MSH3: variants seen among roughly 807,000 people sequenced by gnomAD.
MSH3 encodes the protein DNA mismatch repair protein Msh3.
In MSH3, 106 loss-of-function variants were observed where a neutral mutation model predicts 123.3. The observed-to-expected ratio is 0.86, with a 90% CI of 0.73 to 1.01. The LOEUF is 1.01. Among genes scored for constraint, MSH3 ranks in the 50% least tolerant of loss-of-function variants. The pLI is 0.00. For synonymous variants in MSH3, 515 were observed against 481.4 expected, an observed-to-expected ratio of 1.07 and a Z score of -0.91; for missense variants, 1,459 against 1,347.6, an observed-to-expected ratio of 1.08 and a Z score of -1.29.
intron 4 of MSH3, among the ~76,000 whole-genome samples, chr5:80,670,937 T>G (rs1197544109): frequency 6.6e-6 from 1 of 151,966 alleles, no homozygotes; most frequent in Non-Finnish European, 1.5e-5. Context: ...CTGGCCAACA[T>G]GGTGAAACCG....
At chr5:80,789,074 A>G (rs1248660966) in intron 18 of MSH3, among the ~76,000 whole-genome samples, 1 of 152,166 alleles carries the variant, frequency 6.6e-6, no homozygotes, top group Admixed American at 6.6e-5. Flanking sequence ...TTTAGTGCAG[A>G]AAAAATCACT....
chr5:80,755,576 A>G (rs1479582830), intron 12 of MSH3, among the ~76,000 whole-genome samples: 4 of 152,192 alleles, frequency 2.6e-5, no homozygotes, highest in Non-Finnish European at 4.4e-5. Flanking sequence ...ATAACTAGAT[A>G]TGCTGGATCA....
chr5:80,706,503 T>G lies in MSH3; in HGVS notation c.1341-18950T>G, dbSNP rs190223148. Among the ~76,000 whole-genome samples, 312 of 152,368 alleles carry G rather than the reference T, an allele frequency of 2.0e-3. 2 individuals are homozygous for G. The highest frequency in any genetic ancestry group is 7.2e-3 in the African/African-American group (300 of 41,578). ...AGGCAAATATAATGTCAGGTAATTT[T>G]GCTGTTATGCTATTGAAAAAATACC... On this transcript the variant is annotated intron_variant, in intron 8 of 23. Transcript: ENST00000265081.
intron 8 of MSH3, among the ~76,000 whole-genome samples, chr5:80,704,055 C>T (rs1297218414): frequency 6.6e-6 from 1 of 152,092 alleles, no homozygotes; most frequent in Non-Finnish European, 1.5e-5. Flanking sequence ...CCTTAGAAGT[C>T]CTGCCCTTTG....
Position 80,768,109 on chromosome 5 carries a change from A to G in MSH3, c.2073A>G (p.Glu691=). ...AGCATTACTTAAAGATACTCAATGA[A>G]CAAGCTGCCAAGTAAGTACCAGACC... ...PVEHYLKILN[E]QAAKVGDKTE... Residue 691 remains glutamate (E), a synonymous_variant, in exon 14 of 24, where the codon GAA becomes GAG. Coordinates refer to ENST00000265081, the MANE Select transcript of MSH3 (RefSeq NM_002439.5). 2 of 1,613,656 alleles carry G rather than the reference A, an allele frequency of 1.2e-6. No individual in the cohort carries two copies. Among genetic ancestry groups the G allele is most frequent in the East Asian group, 2.2e-5 (1 of 44,822 alleles).
intron 20 of MSH3, among the ~76,000 whole-genome samples, chr5:80,826,390 T>TATCTGTAA (rs1745299690): frequency 6.6e-6 from 1 of 152,142 alleles, no homozygotes; most frequent in Admixed American, 6.5e-5. Flanking sequence ...CTCCAAGCTG[T>TATCTGTAA]ATCTGTAAAT....
chr5:80,662,761 A>G (rs4703815), intron 2 of MSH3, among the ~76,000 whole-genome samples: 20,089 of 151,648 alleles, frequency 0.13, 1,893 homozygotes, highest in East Asian at 0.33. Context: ...CAGGAGGCAG[A>G]GGTTGCAGTG....
chr5:80,839,512 C>G (rs777250822), intron 20 of MSH3, among the ~76,000 whole-genome samples: 3 of 152,114 alleles, frequency 2.0e-5, no homozygotes, highest in Non-Finnish European at 4.4e-5. Flanking sequence ...TATAGCCATC[C>G]TAGAACAATA....
At chr5:80,806,132 C>G (rs946580872) in intron 19 of MSH3, among the ~76,000 whole-genome samples, 1 of 152,020 alleles carries the variant, frequency 6.6e-6, no homozygotes, top group African/African-American at 2.4e-5. Flanking sequence ...GAGTTTCACT[C>G]TTGTTGCCCA....
intron 8 of MSH3, among the ~76,000 whole-genome samples, chr5:80,695,024 T>C (rs987917540): frequency 1.8e-4 from 28 of 151,438 alleles, no homozygotes; most frequent in African/African-American, 6.8e-4. Flanking sequence ...TTGCCAAATT[T>C]GTGAATATTT....
intron 8 of MSH3, among the ~76,000 whole-genome samples, chr5:80,700,810 G>C (rs1270252984): frequency 6.6e-6 from 1 of 152,156 alleles, no homozygotes; most frequent in Non-Finnish European, 1.5e-5. Flanking sequence ...TAGGTTTATT[G>C]ATAGTCGAAT....
chr5:80,678,782 C>T (rs1254241049), intron 7 of MSH3, 145 bp from the exon 8 acceptor site: 2 of 845,350 alleles, frequency 2.4e-6, no homozygotes, highest in African/African-American at 3.4e-5. Context: ...TCCTGAAAAG[C>T]AGACAGGTTT....
chr5:80,661,978 C>T (rs537442315), intron 2 of MSH3, among the ~76,000 whole-genome samples: 14 of 152,220 alleles, frequency 9.2e-5, no homozygotes, highest in Admixed American at 2.6e-4. Flanking sequence ...ACCATTATAT[C>T]GTATTTCCAC....
chr5:80,865,719 G>A (rs1580099192), intron 22 of MSH3, among the ~76,000 whole-genome samples: 1 of 152,186 alleles, frequency 6.6e-6, no homozygotes, highest in East Asian at 1.9e-4. Context: ...TCCTGTGGTG[G>A]TTTGCGCAAT....
chr5:80,867,271 T>G (rs1220297458), intron 22 of MSH3, among the ~76,000 whole-genome samples: 1 of 152,244 alleles, frequency 6.6e-6, no homozygotes, highest in Non-Finnish European at 1.5e-5. Flanking sequence ...TCTTCCTGCC[T>G]GGCCAGCTTT....
chr5:80,680,502 C>T (rs1207708574), intron 8 of MSH3, among the ~76,000 whole-genome samples: 4 of 150,782 alleles, frequency 2.7e-5, no homozygotes, highest in Admixed American at 6.6e-5. Flanking sequence ...ACATTATTTC[C>T]GTGTGTGTAT....
At chr5:80,723,642 A>G (rs765704391) in intron 8 of MSH3, among the ~76,000 whole-genome samples, 4 of 152,250 alleles carry the variant, frequency 2.6e-5, no homozygotes, top group African/African-American at 9.6e-5. Context: ...ATCAATTTGT[A>G]TGGTTATGAT....
chr5:80,705,131 A>G (rs988350754), intron 8 of MSH3, among the ~76,000 whole-genome samples: 2 of 152,234 alleles, frequency 1.3e-5, no homozygotes, highest in Non-Finnish European at 2.9e-5. Context: ...CCTGTTATTC[A>G]TTCAGCATTT....
chr5:80,874,844 CTA>C (rs1746278630), intron 23 of MSH3, among the ~76,000 whole-genome samples: 1 of 152,128 alleles, frequency 6.6e-6, no homozygotes, highest in African/African-American at 2.4e-5. Context: ...ATTTTGAACT[CTA>C]TGAAGTTATC....
Sources: gnomAD v4.1 joint callset for allele counts (sites outside exome capture counted in the v4.1 genomes callset) on GRCh38, gnomAD v4.1.1 for gene constraint, MANE v1.5 for transcripts, NCBI Gene and HGNC (gene_info 2026-07-23, HGNC 2026-07-21) for gene names.